KIF2A: variants seen among roughly 807,000 people sequenced by gnomAD.
KIF2A encodes kinesin-like protein KIF2A.
A neutral mutation model predicts 100.2 loss-of-function variants in KIF2A; 22 were observed. The ratio of observed to expected loss-of-function variants is 0.22; its 90% confidence interval spans 0.16 to 0.31. KIF2A has a LOEUF of 0.31. KIF2A is among the 10% of genes least tolerant of loss of function. KIF2A has a pLI of 1.00. For missense variants in KIF2A, 495 were observed against 898.7 expected, an observed-to-expected ratio of 0.55 and a Z score of 5.74; for synonymous variants, 268 against 285.9, an observed-to-expected ratio of 0.94 and a Z score of 0.63.
intron 1 of KIF2A, among the ~76,000 whole-genome samples, chr5:62,346,471 A>G (rs1329262766): frequency 6.6e-6 from 1 of 151,746 alleles, no homozygotes; most frequent in Non-Finnish European, 1.5e-5. Context: ...CAGGCACAGT[A>G]GCTCATGCCG....
chr5:62,382,436 G>A (rs1413923827), intron 20 of KIF2A, among the ~76,000 whole-genome samples: 1 of 152,022 alleles, frequency 6.6e-6, no homozygotes, highest in Non-Finnish European at 1.5e-5. Context: ...GTGAGATCCT[G>A]TCTCAAAAAA....
chr5:62,307,391 C>G (rs905524030), intron 1 of KIF2A, among the ~76,000 whole-genome samples: 1 of 151,784 alleles, frequency 6.6e-6, no homozygotes, highest in Non-Finnish European at 1.5e-5. Context: ...TTTTAAGAGC[C>G]TTAGGCTTAT....
At chr5:62,366,647 T>C (rs1441421307) in intron 16 of KIF2A, among the ~76,000 whole-genome samples, 166 bp downstream of exon 16, 2 of 152,036 alleles carry the variant, frequency 1.3e-5, no homozygotes, top group African/African-American at 2.4e-5. Flanking sequence ...CTGGCTAACA[T>C]GGTGAAACCC....
chr5:62,336,442 A>G (rs264520), intron 1 of KIF2A, among the ~76,000 whole-genome samples: 78,068 of 151,942 alleles, frequency 0.51, 20,981 homozygotes, highest in South Asian at 0.65. Flanking sequence ...AATTATTGTG[A>G]CTCTGTCTGT....
At position 62,388,051 on chromosome 5, in the gene KIF2A, C is replaced by T. The variant is rs999895594; in HGVS notation, c.*2482C>T. ...GCACTTAGTATTATATTGACTTAAA[C>T]ATAGTAGCTAATAAAACTAGTTTAT... On this transcript the variant is annotated 3_prime_UTR_variant, in exon 21 of 21. Coordinates refer to ENST00000407818, the MANE Select transcript of KIF2A (RefSeq NM_001098511.3). The T allele has an allele frequency of 6.6e-6, 1 of 152,022 alleles. No homozygotes were observed. The highest frequency in any genetic ancestry group is 2.4e-5 in the African/African-American group (1 of 41,382). The allele number at this position is 152,022 out of a possible 1,614,324, so 9.4% of individuals were successfully genotyped here.
chr5:62,339,875 T>C (rs1394418646), intron 1 of KIF2A, among the ~76,000 whole-genome samples: 2 of 150,864 alleles, frequency 1.3e-5, no homozygotes, highest in African/African-American at 4.9e-5. Flanking sequence ...TTAAAGGTGA[T>C]AAAACTATAA....
rs1470629834 is a variant in KIF2A, at chr5:62,354,114, A to T, written c.558+739A>T. Among the ~76,000 whole-genome samples the T allele has an allele frequency of 2.6e-5, 4 of 152,130 alleles. No individual in the cohort carries two copies. The East Asian group carries it at 7.7e-4, about 29-fold the overall frequency. ...TACCAGTTCAGATGTTGTGTTGTGG[A>T]ATTGTGGACCTAGTATTATATCCAA... On this transcript the variant is annotated intron_variant, in intron 6 of 20. Coordinates refer to ENST00000407818, the MANE Select transcript of KIF2A (RefSeq NM_001098511.3).
In KIF2A at chr5:62,373,675, A is replaced by T; in HGVS notation, c.1761-12A>T. 6.2e-7 allele frequency: 1 copy of T among 1,607,260 alleles called. No homozygotes were observed. Among genetic ancestry groups the T allele is most frequent in the Non-Finnish European group, 8.5e-7 (1 of 1,174,470 alleles). The stretch of plus-strand genomic sequence containing the variant: ...GTGTTTTTAACTTTAGATACCTCTT[A>T]TGTATTTATAGGGTCAAAGAATTGA... On this transcript the variant is annotated splice_polypyrimidine_tract_variant and intron_variant, in intron 17 of 20. Transcript: ENST00000407818.
intron 1 of KIF2A, among the ~76,000 whole-genome samples, chr5:62,310,255 C>T (rs1222837264): frequency 4.0e-5 from 6 of 151,820 alleles, no homozygotes; most frequent in East Asian, 1.9e-4. Context: ...GTTTTTGCCA[C>T]GTTGGCCAGG....
rs1435841786 is a variant in KIF2A, at chr5:62,372,663, T to G, written c.1760+112T>G. 8.2e-6 allele frequency: 5 copies of G among 611,974 alleles called. No homozygotes were observed. In the Middle Eastern group the frequency reaches 1.1e-3, roughly 133 times the overall value. The allele number at this position is 611,974 out of a possible 1,614,324, so 37.9% of individuals were successfully genotyped here. ...TCCTGAGCCATTTTAGTTTTCATTG[T>G]CATTTCATTTGGCAGGTGGTGGTTG... On this transcript the variant is annotated intron_variant, in intron 17 of 20. Transcript: ENST00000407818.
chr5:62,390,985 A>G lies in KIF2A; in HGVS notation c.*5416A>G. The stretch of plus-strand genomic sequence containing the variant: ...ATGCTGAAATCTTCTGGTATTATCT[A>G]TCAATATAAGATTCAGAATAAATGA... On this transcript the variant is annotated 3_prime_UTR_variant, in exon 21 of 21. Coordinates refer to ENST00000407818, the MANE Select transcript of KIF2A (RefSeq NM_001098511.3). 1 of 1,610,062 alleles carries G rather than the reference A, an allele frequency of 6.2e-7. No individual in the cohort carries two copies. Among genetic ancestry groups the G allele is most frequent in the South Asian group, 1.1e-5 (1 of 91,014 alleles).
chr5:62,381,121 T>A lies in KIF2A; in HGVS notation c.2017T>A (p.Ser673Thr). The A allele has an allele frequency of 6.2e-7, 1 of 1,608,784 alleles. No individual in the cohort carries two copies. Among genetic ancestry groups the A allele is most frequent in the East Asian group, 2.2e-5 (1 of 44,790 alleles). The part of the protein sequence containing the change: ...VEDHRAVFQE[S>T]IRWLEDEKAL... ...TATCGAATTTTTGTCCTTGTAGGAA[T>A]CTATTCGGTGGTTAGAAGATGAAAA... Residue 673 changes from serine to threonine, a missense_variant, in exon 20 of 21, where the codon TCT becomes ACT. Ser to Thr is a moderately conservative substitution (Grantham distance 58, BLOSUM62 1). This residue lies in a region of KIF2A where 58 missense variants were observed against 94.8 expected (regional missense o/e 0.61). Coordinates refer to ENST00000407818, the MANE Select transcript of KIF2A (RefSeq NM_001098511.3).
rs542088995 is a variant in KIF2A at position 62,363,144 on chromosome 5, G to C, written c.1120-34G>C. Reference sequence around the variant, plus strand: ...CACCTAGCCTGTTTTTTACTTTAAAGCTAGTTTTCTAATTTGAATATGGTT... The same window carrying C: ...CACCTAGCCTGTTTTTTACTTTAAACCTAGTTTTCTAATTTGAATATGGTT... On this transcript the variant is annotated intron_variant, in intron 12 of 20. Coordinates refer to ENST00000407818, the MANE Select transcript of KIF2A (RefSeq NM_001098511.3). 50 of 1,550,250 alleles carry C rather than the reference G, an allele frequency of 3.2e-5. 1 individual carries two copies. The South Asian group carries it at 6.0e-4, about 19-fold the overall frequency.
chr5:62,368,263 GT>G (rs148537199), intron 16 of KIF2A, among the ~76,000 whole-genome samples: 90 of 142,098 alleles, frequency 6.3e-4, no homozygotes, highest in East Asian at 3.9e-3. Context: ...TACTTTTCTT[GT>G]TTTTTTTTTT....
intron 6 of KIF2A, among the ~76,000 whole-genome samples, chr5:62,354,348 C>T (rs1747995426): frequency 6.6e-6 from 1 of 151,962 alleles, no homozygotes; most frequent in South Asian, 2.1e-4. Flanking sequence ...GGTATTATTT[C>T]CTAGAAGAAG....
chr5:62,326,832 C>T (rs1268181995), intron 1 of KIF2A, among the ~76,000 whole-genome samples: 1 of 152,046 alleles, frequency 6.6e-6, no homozygotes, highest in Non-Finnish European at 1.5e-5. Context: ...TCCCTCTTTA[C>T]AAAAAATACC....
intron 1 of KIF2A, among the ~76,000 whole-genome samples, chr5:62,322,978 C>T (rs941448176): frequency 2.8e-4 from 40 of 143,272 alleles, no homozygotes; most frequent in African/African-American, 9.0e-4. Flanking sequence ...CTGAGAAAGC[C>T]GGGCGCAGTG....
chr5:62,371,504 G>T (rs1485803374), intron 16 of KIF2A, among the ~76,000 whole-genome samples: 1 of 152,050 alleles, frequency 6.6e-6, no homozygotes, highest in Non-Finnish European at 1.5e-5. Flanking sequence ...AGAGAATATG[G>T]TTATTATATT....
intron 1 of KIF2A, among the ~76,000 whole-genome samples, chr5:62,343,041 C>G (rs544801461): frequency 1.3e-5 from 2 of 151,936 alleles, no homozygotes; most frequent in Non-Finnish European, 2.9e-5. Context: ...CGTGAGCCAC[C>G]GCACCCAGCC....
Sources: allele counts gnomAD v4.1 joint callset (sites outside exome capture counted in the v4.1 genomes callset), GRCh38; gene constraint gnomAD v4.1.1; regional missense constraint gnomAD v4.1.1; transcripts MANE v1.5; gene names NCBI Gene and HGNC (gene_info 2026-07-23, HGNC 2026-07-21).